GRIK1: variants seen among roughly 807,000 people sequenced by gnomAD.
GRIK1 encodes glutamate ionotropic receptor kainate type subunit 1.
In GRIK1, 69 loss-of-function variants were observed where a neutral mutation model predicts 105.7. That is an observed-to-expected ratio of 0.65 (90% confidence interval 0.54 to 0.80). The LOEUF (loss-of-function observed/expected upper bound fraction) is 0.80, where lower values mean the gene tolerates loss of function less well. GRIK1 is among the 30% of genes least tolerant of loss of function. GRIK1 has a pLI of 0.00. For synonymous variants in GRIK1, 438 were observed against 431.3 expected (o/e 1.02, Z -0.19); for missense variants, 1,109 against 1,167.3 (o/e 0.95, Z 0.73).
At chr21:29,792,199 C>T (rs1353230532) in intron 1 of GRIK1, among the ~76,000 whole-genome samples, 3 of 151,860 alleles carry the variant, frequency 2.0e-5, no homozygotes, top group Admixed American at 2.0e-4. Flanking sequence ...GATATATATA[C>T]ACACATATGT....
At chr21:29,899,463 T>C (rs1402851130) in intron 1 of GRIK1, among the ~76,000 whole-genome samples, 1 of 152,212 alleles carries the variant, frequency 6.6e-6, no homozygotes, top group African/African-American at 2.4e-5. Flanking sequence ...ATTCTTGCCT[T>C]GCTGTCCTGA....
At chr21:29,766,262 T>C (rs2065665248) in intron 1 of GRIK1, among the ~76,000 whole-genome samples, 1 of 152,196 alleles carries the variant, frequency 6.6e-6, no homozygotes, top group Admixed American at 6.5e-5. Context: ...ACAGTAGTTC[T>C]GAATCACAGA....
At chr21:29,927,549 C>T (rs1374388092) in intron 1 of GRIK1, among the ~76,000 whole-genome samples, 1 of 150,026 alleles carries the variant, frequency 6.7e-6, no homozygotes, top group African/African-American at 2.4e-5. Context: ...CATATACACA[C>T]TTATTATATT....
intron 1 of GRIK1, among the ~76,000 whole-genome samples, chr21:29,897,919 A>C (rs889777084): frequency 6.6e-6 from 1 of 152,250 alleles, no homozygotes; most frequent in Non-Finnish European, 1.5e-5. Context: ...TATCTTATAG[A>C]CTTGAACAAT....
At chr21:29,751,877 G>C (rs751756807) in intron 1 of GRIK1, among the ~76,000 whole-genome samples, 18 of 152,076 alleles carry the variant, frequency 1.2e-4, no homozygotes, top group Admixed American at 9.2e-4. Flanking sequence ...GTTTTCTTTC[G>C]AGACGCTAGC....
chr21:29,626,794 G>A (rs1473821673), intron 7 of GRIK1, among the ~76,000 whole-genome samples: 1 of 152,184 alleles, frequency 6.6e-6, no homozygotes, highest in Admixed American at 6.5e-5. Flanking sequence ...TATACTAAAT[G>A]AATCACCCAG....
intron 1 of GRIK1, among the ~76,000 whole-genome samples, chr21:29,718,203 T>C (rs2064226703): frequency 6.6e-6 from 1 of 152,202 alleles, no homozygotes; most frequent in Admixed American, 6.5e-5. Flanking sequence ...AGCATGATAA[T>C]GGACTAATAC....
chr21:29,858,089 A>G (rs896083015), intron 1 of GRIK1, among the ~76,000 whole-genome samples: 2 of 152,084 alleles, frequency 1.3e-5, no homozygotes, highest in Non-Finnish European at 2.9e-5. Flanking sequence ...TTAGTAGAGA[A>G]GGGTTTCACT....
chr21:29,872,889 T>A (rs1329708763), intron 1 of GRIK1, among the ~76,000 whole-genome samples: 1 of 151,926 alleles, frequency 6.6e-6, no homozygotes, highest in Non-Finnish European at 1.5e-5. Flanking sequence ...GAGATTTGGG[T>A]GGGGATGCAG....
chr21:29,744,086 T>G (rs2064993298), intron 1 of GRIK1, among the ~76,000 whole-genome samples: 1 of 152,132 alleles, frequency 6.6e-6, no homozygotes, highest in African/African-American at 2.4e-5. Context: ...AAAATAGAAG[T>G]TAAAAAAATA....
chr21:29,846,461 GAGAGAAAGAAAGAAAGAAAGAA>G (rs1569154558), intron 1 of GRIK1, among the ~76,000 whole-genome samples: 31 of 129,156 alleles, frequency 2.4e-4, no homozygotes, highest in African/African-American at 7.9e-4. Flanking sequence ...AGGAAAGAGA[GAGAGAAAGAAAGAAAGAAAGAA>G]AGAAAGAAAG....
intron 3 of GRIK1, among the ~76,000 whole-genome samples, chr21:29,676,470 A>T (rs1056730357): frequency 6.6e-6 from 1 of 152,236 alleles, no homozygotes. Flanking sequence ...GCAGCAATCC[A>T]TCAGTCATTT....
At chr21:29,639,226 TC>T (rs1260086860) in intron 7 of GRIK1, among the ~76,000 whole-genome samples, 1 of 152,232 alleles carries the variant, frequency 6.6e-6, no homozygotes, top group Admixed American at 6.5e-5. Flanking sequence ...GCTAATTCAT[TC>T]ATTAATTCAT....
At chr21:29,693,210 T>A (rs57682449) in intron 2 of GRIK1, among the ~76,000 whole-genome samples, 2,269 of 152,330 alleles carry the variant, frequency 0.015, 91 homozygotes, top group East Asian at 0.1. Flanking sequence ...CCCTCAACTA[T>A]GTGATCTTAC....
intron 1 of GRIK1, among the ~76,000 whole-genome samples, chr21:29,768,449 C>A (rs1225557883): frequency 2.0e-5 from 3 of 152,148 alleles, no homozygotes; most frequent in Non-Finnish European, 4.4e-5. Flanking sequence ...CATTACTGAG[C>A]TGTCCACCAC....
chr21:29,693,949 G>T lies in GRIK1; in HGVS notation c.233C>A (p.Thr78Asn). 6.2e-7 allele frequency: 1 copy of T among 1,612,928 alleles called. No homozygotes were observed. ...NRTLMPNTTLTYDIQRINLFD... is the reference protein window; with the variant it reads ...NRTLMPNTTLNYDIQRINLFD... ...AAGGTTAATTCTCTGGATGTCATAGGTTAATGTGGTGTTAGGCATCAGGGT... is the reference window on the plus strand; with the variant it reads ...AAGGTTAATTCTCTGGATGTCATAGTTTAATGTGGTGTTAGGCATCAGGGT... Residue 78 changes from threonine (T) to asparagine (N), a missense_variant, in exon 2 of 18, where the codon ACC becomes AAC. Physicochemically the swap from Thr to Asn is moderately conservative, Grantham distance 65. This residue lies in a region of GRIK1 where 612 missense variants were observed against 586.0 expected (regional missense o/e 1.04). Coordinates refer to ENST00000327783, the MANE Select transcript of GRIK1 (RefSeq NM_001330994.2).
At chr21:29,711,278 A>G (rs1275199788) in intron 1 of GRIK1, among the ~76,000 whole-genome samples, 2 of 152,148 alleles carry the variant, frequency 1.3e-5, no homozygotes, top group Non-Finnish European at 2.9e-5. Flanking sequence ...CTATATTTGG[A>G]TATATAAATA....
chr21:29,682,810 C>A (rs1472669432), intron 3 of GRIK1, among the ~76,000 whole-genome samples: 1 of 152,068 alleles, frequency 6.6e-6, no homozygotes, highest in Non-Finnish European at 1.5e-5. Flanking sequence ...AGAGCTTCTG[C>A]ACAGCAAGAG....
intron 1 of GRIK1, among the ~76,000 whole-genome samples, chr21:29,874,358 T>G (rs894525830): frequency 6.6e-6 from 1 of 152,150 alleles, no homozygotes; most frequent in Admixed American, 6.5e-5. Context: ...CCCTTCCCCA[T>G]AATGACTTAG....
Sources: gnomAD v4.1 joint callset for allele counts (sites outside exome capture counted in the v4.1 genomes callset) on GRCh38, gnomAD v4.1.1 for gene constraint, gnomAD v4.1.1 regional missense constraint, MANE v1.5 for transcripts, NCBI Gene and HGNC (gene_info 2026-07-23, HGNC 2026-07-21) for gene names.